Variants in ZZZ3 observed in about 807,000 individuals in gnomAD.
ZZZ3 encodes ZZ-type zinc finger-containing protein 3.
Under a neutral mutation model 95.2 loss-of-function variants are expected in ZZZ3, and 22 were observed. The observed-to-expected ratio is 0.23, with a 90% CI of 0.17 to 0.33. The LOEUF (loss-of-function observed/expected upper bound fraction) is 0.33, where lower values mean the gene tolerates loss of function less well. Among genes scored for constraint, ZZZ3 ranks in the 10% least tolerant of loss-of-function variants. The pLI is 1.00. For synonymous variants in ZZZ3, 335 were observed against 358.9 expected (o/e 0.93, Z 0.75); for missense variants, 885 against 1,066.5 (o/e 0.83, Z 2.37).
At chr1:77,571,527 AC>A (rs1473989525) in intron 12 of ZZZ3, among the ~76,000 whole-genome samples, 15 of 152,376 alleles carry the variant, frequency 9.8e-5, no homozygotes, top group Non-Finnish European at 2.9e-5. Context: ...GGTGGAAGCA[AC>A]CCAAGTATCC....
intron 1 of ZZZ3, among the ~76,000 whole-genome samples, chr1:77,651,314 G>A (rs947660502): frequency 6.6e-6 from 1 of 152,154 alleles, no homozygotes; most frequent in Non-Finnish European, 1.5e-5. Flanking sequence ...GAGCCCAGGA[G>A]GTTGCACTGA....
chr1:77,663,302 A>G (rs1670977258), intron 1 of ZZZ3, among the ~76,000 whole-genome samples: 1 of 152,180 alleles, frequency 6.6e-6, no homozygotes. Flanking sequence ...AATTTTGATC[A>G]CTGTAACTGC....
In ZZZ3 at chr1:77,582,146, A is replaced by G; in HGVS notation, c.1645-20T>C. 1 of 1,572,782 alleles carries G rather than the reference A, an allele frequency of 6.4e-7. No homozygotes were observed. The highest frequency in any genetic ancestry group is 8.6e-7 in the Non-Finnish European group (1 of 1,166,996). ...ATCAGCCTGGAGGCAGGGGAGAAAA[A>G]ACAAAATAAAGTAAAAGTCTAAATT... On this transcript the variant is annotated intron_variant, in intron 6 of 14. Transcript: ENST00000370801.
chr1:77,585,747 T>G (rs778680422), intron 5 of ZZZ3, among the ~76,000 whole-genome samples: 1 of 152,216 alleles, frequency 6.6e-6, no homozygotes, highest in Non-Finnish European at 1.5e-5. Context: ...ATAGATATTC[T>G]GCGAATCTTT....
At chr1:77,667,011 A>T (rs1671303566) in intron 1 of ZZZ3, among the ~76,000 whole-genome samples, 1 of 152,244 alleles carries the variant, frequency 6.6e-6, no homozygotes, top group Non-Finnish European at 1.5e-5. Flanking sequence ...ATTTTACTCA[A>T]GGATATTTTA....
At position 77,632,770 on chromosome 1, in the gene ZZZ3, T is replaced by G; in HGVS notation, c.585A>C (p.Glu195Asp). 3.1e-6 allele frequency: 5 copies of G among 1,614,190 alleles called. No homozygotes were observed. The highest frequency in any genetic ancestry group is 3.4e-6 in the Non-Finnish European group (4 of 1,180,032). Residue 195 changes from glutamate to aspartate, a missense_variant, in exon 5 of 15, where the codon GAA (glutamate) becomes GAC (aspartate). Glu to Asp is a conservative substitution (Grantham distance 45). This residue lies in a region of ZZZ3 where 556 missense variants were observed against 652.9 expected (regional missense o/e 0.85). Coordinates refer to ENST00000370801, the MANE Select transcript of ZZZ3 (RefSeq NM_015534.6). ...EGPLNSAVVE[E>D]ITGYLAVNGV... ...CATTGACAGCCAAATAGCCTGTGAT[T>G]TCTTCAACTACTGCAGAATTAAGTG... is the stretch of plus-strand genomic sequence containing the variant.
intron 4 of ZZZ3, among the ~76,000 whole-genome samples, chr1:77,635,639 C>T (rs1668224529): frequency 6.6e-6 from 1 of 152,246 alleles, no homozygotes; most frequent in South Asian, 2.1e-4. Context: ...GGGGCAGTGG[C>T]TCATGCCTGT....
chr1:77,676,173 T>C (rs1672248340), intron 1 of ZZZ3, among the ~76,000 whole-genome samples: 1 of 152,164 alleles, frequency 6.6e-6, no homozygotes, highest in Admixed American at 6.5e-5. Flanking sequence ...TACTTGTTGG[T>C]TGGGGGTTTT....
chr1:77,571,797 G>A (rs527876743), intron 12 of ZZZ3, among the ~76,000 whole-genome samples: 1 of 152,266 alleles, frequency 6.6e-6, no homozygotes, highest in Non-Finnish European at 1.5e-5. Context: ...CTGGGGAGAT[G>A]TTTAATACAT....
Position 77,639,513 on chromosome 1 carries a change from G to A in ZZZ3, c.-116C>T. ...CTTTTCCTTATATCCTGAAGGAGTTGGAGCTATGATCTAGAATGGAGCTTA... is the reference window on the plus strand; with the variant it reads ...CTTTTCCTTATATCCTGAAGGAGTTAGAGCTATGATCTAGAATGGAGCTTA... On this transcript the variant is annotated 5_prime_UTR_variant, in exon 4 of 15. Transcript: ENST00000370801. 2 of 1,462,294 alleles carry A rather than the reference G, an allele frequency of 1.4e-6. No homozygotes were observed. The highest frequency in any genetic ancestry group is 2.5e-5 in the Admixed American group (1 of 40,676). 90.6% of individuals were successfully genotyped at this position (1,462,294 alleles called of 1,614,324 possible). A position where few individuals can be genotyped will look rare whatever the true frequency, so the allele number is the denominator to read the frequency against.
intron 12 of ZZZ3, among the ~76,000 whole-genome samples, chr1:77,574,560 T>G (rs548935162): frequency 6.6e-6 from 1 of 152,296 alleles, no homozygotes; most frequent in South Asian, 2.1e-4. Context: ...AGTCAGGATA[T>G]AGTCTCTAAA....
In ZZZ3 at chr1:77,594,604, A is replaced by G. The variant is rs185613229; in HGVS notation, c.1506-9949T>C. ...AGATATAGTTCTAGACTATATTTAG[A>G]GCACTGTTTTAATATTCTGTTTATG... On this transcript the variant is annotated intron_variant, in intron 5 of 14. Transcript: ENST00000370801. Among the ~76,000 whole-genome samples, 46 of 152,172 alleles carry G rather than the reference A, an allele frequency of 3.0e-4. No individual in the cohort carries two copies. The East Asian group carries it at 8.5e-3, about 28-fold the overall frequency.
intron 1 of ZZZ3, among the ~76,000 whole-genome samples, chr1:77,670,318 G>A (rs1303582684): frequency 6.6e-6 from 1 of 151,586 alleles, no homozygotes; most frequent in Non-Finnish European, 1.5e-5. Flanking sequence ...GGAGTGCAAT[G>A]GCATGATCTC....
At chr1:77,629,811 G>T (rs1667632688) in intron 5 of ZZZ3, among the ~76,000 whole-genome samples, 1 of 152,116 alleles carries the variant, frequency 6.6e-6, no homozygotes, top group Admixed American at 6.6e-5. Context: ...AGGAACACAT[G>T]AAAAATAAAC....
chr1:77,661,194 T>A (rs1268582889), intron 1 of ZZZ3, among the ~76,000 whole-genome samples: 1 of 151,884 alleles, frequency 6.6e-6, no homozygotes, highest in Non-Finnish European at 1.5e-5. Context: ...GGTGGGCAGA[T>A]CATGAGGTCA....
chr1:77,681,581 T>C (rs995435957), intron 1 of ZZZ3, among the ~76,000 whole-genome samples: 2 of 152,166 alleles, frequency 1.3e-5, no homozygotes, highest in African/African-American at 4.8e-5. Context: ...GTTTGCTCTT[T>C]ACTAAAAAGT....
rs148218019 is a variant in ZZZ3 at position 77,628,583 on chromosome 1, G to A, written c.1505+3267C>T. Among the ~76,000 whole-genome samples, 227 of 152,186 alleles carry A rather than the reference G, an allele frequency of 1.5e-3. 2 individuals carry two copies. The highest frequency in any genetic ancestry group is 5.2e-3 in the African/African-American group (214 of 41,518). On this transcript the variant is annotated intron_variant, in intron 5 of 14. Coordinates refer to ENST00000370801, the MANE Select transcript of ZZZ3 (RefSeq NM_015534.6). The stretch of plus-strand genomic sequence containing the variant: ...GACTAGGATTCTACACAATACTTTC[G>A]CAAACATTTACAAGTGATCGGATGA...
At chr1:77,675,190 G>A (rs1672148333) in intron 1 of ZZZ3, among the ~76,000 whole-genome samples, 1 of 152,130 alleles carries the variant, frequency 6.6e-6, no homozygotes, top group Non-Finnish European at 1.5e-5. Flanking sequence ...TTTGCCAGGA[G>A]AAATAATCTT....
At chr1:77,618,374 C>T (rs528040245) in intron 5 of ZZZ3, among the ~76,000 whole-genome samples, 1 of 150,450 alleles carries the variant, frequency 6.6e-6, no homozygotes, top group African/African-American at 2.4e-5. Flanking sequence ...TGTGACGAGG[C>T]TCTGGGAATA....
Sources: allele counts gnomAD v4.1 joint callset (sites outside exome capture counted in the v4.1 genomes callset), GRCh38; gene constraint gnomAD v4.1.1; regional missense constraint gnomAD v4.1.1; transcripts MANE v1.5; gene names NCBI Gene and HGNC (gene_info 2026-07-23, HGNC 2026-07-21).